Variants in KCNQ5 observed in about 807,000 individuals in gnomAD.
The protein encoded by KCNQ5 is potassium voltage-gated channel subfamily KQT member 5.
In KCNQ5, 30 loss-of-function variants were observed where a neutral mutation model predicts 98.2. The ratio of observed to expected loss-of-function variants is 0.31; its 90% CI spans 0.23 to 0.41. KCNQ5 has a LOEUF of 0.41. Among genes scored for constraint, KCNQ5 ranks in the 10% least tolerant of loss-of-function variants. The probability of loss-of-function intolerance (pLI) is 1.00; values close to 1 mark genes in which losing one functional copy is unlikely to be tolerated. For missense variants in KCNQ5, 835 were observed against 1,182.5 expected, an observed-to-expected ratio of 0.71 and a Z score of 4.31; for synonymous variants, 458 against 449.4, an observed-to-expected ratio of 1.02 and a Z score of -0.24.
intron 7 of KCNQ5, among the ~76,000 whole-genome samples, chr6:73,115,355 A>G (rs1201421429): frequency 6.6e-6 from 1 of 152,216 alleles, no homozygotes; most frequent in African/African-American, 2.4e-5. Context: ...GTGCAGGGAA[A>G]CTAAGAGGAA....
At chr6:73,171,361 T>C (rs555457718) in intron 11 of KCNQ5, among the ~76,000 whole-genome samples, 21 of 152,316 alleles carry the variant, frequency 1.4e-4, no homozygotes, top group African/African-American at 5.1e-4. Flanking sequence ...TTTCTCAAAG[T>C]ATCCCAGTTT....
At chr6:72,999,678 A>G (rs1769470493) in intron 1 of KCNQ5, among the ~76,000 whole-genome samples, 1 of 152,206 alleles carries the variant, frequency 6.6e-6, no homozygotes, top group Admixed American at 6.5e-5. Context: ...AATATATGTG[A>G]CTACAAAAGG....
intron 1 of KCNQ5, among the ~76,000 whole-genome samples, chr6:72,947,808 A>G (rs1766616177): frequency 6.6e-6 from 1 of 152,174 alleles, no homozygotes. Flanking sequence ...AAGAGGACAT[A>G]TCTATTTGGA....
intron 1 of KCNQ5, among the ~76,000 whole-genome samples, chr6:72,935,110 C>CA (rs1003539574): frequency 2.5e-5 from 3 of 117,690 alleles, no homozygotes; most frequent in African/African-American, 9.9e-5. Context: ...TCGCTCTTGT[C>CA]ACCAGGCTGG....
At position 72,996,553 on chromosome 6, in the gene KCNQ5, GTC is replaced by G. The variant is rs539610879; in HGVS notation, c.399-7354_399-7353del. 8.5e-5 allele frequency among the ~76,000 whole-genome samples: 13 copies of G among 152,302 alleles called. No homozygotes were observed. In the South Asian group the frequency reaches 2.5e-3, roughly 29 times the overall value. ...GGTCCAAGTACACAGATTGCCAGTG[GTC>G]AGCTTTGCTCCAGGCCCTGTGGTGT... is the stretch of plus-strand genomic sequence containing the variant. On this transcript the variant is annotated intron_variant, in intron 1 of 13. Transcript: ENST00000370398.
intron 1 of KCNQ5, among the ~76,000 whole-genome samples, chr6:72,976,297 G>A (rs1001910896): frequency 2.0e-4 from 31 of 152,028 alleles, no homozygotes; most frequent in Non-Finnish European, 3.2e-4. Context: ...AAATGATTCC[G>A]GCCAGACAAA....
intron 1 of KCNQ5, among the ~76,000 whole-genome samples, chr6:72,806,135 G>C (rs1774943130): frequency 6.6e-6 from 1 of 152,120 alleles, no homozygotes; most frequent in Non-Finnish European, 1.5e-5. Flanking sequence ...AACAAGTCCT[G>C]TGTGCTTAGA....
chr6:73,050,312 G>GA (rs1562147995), intron 3 of KCNQ5, among the ~76,000 whole-genome samples: 1 of 66,150 alleles, frequency 1.5e-5, no homozygotes, highest in Non-Finnish European at 3.2e-5. Context: ...GGAAGGAAGG[G>GA]AGGGAAGAAG....
At chr6:73,165,195 A>G (rs1027531967) in intron 10 of KCNQ5, among the ~76,000 whole-genome samples, 3 of 152,096 alleles carry the variant, frequency 2.0e-5, no homozygotes, top group African/African-American at 7.2e-5. Flanking sequence ...AGGGTTGCCC[A>G]GGCTCATATC....
chr6:72,959,104 C>G (rs1165723862), intron 1 of KCNQ5, among the ~76,000 whole-genome samples: 1 of 152,108 alleles, frequency 6.6e-6, no homozygotes, highest in Admixed American at 6.6e-5. Context: ...GATATTTTTG[C>G]AGGAGAAAAT....
At chr6:72,921,013 T>C (rs9342987) in intron 1 of KCNQ5, among the ~76,000 whole-genome samples, 49,569 of 152,078 alleles carry the variant, frequency 0.33, 8,254 homozygotes, top group African/African-American at 0.37. Flanking sequence ...GATATTAACC[T>C]TAGTAAACTC....
chr6:73,121,592 C>T (rs1775751386), intron 8 of KCNQ5, among the ~76,000 whole-genome samples: 1 of 152,190 alleles, frequency 6.6e-6, no homozygotes, highest in Non-Finnish European at 1.5e-5. Context: ...CATAGCCCAA[C>T]AAAACCTTAA....
intron 1 of KCNQ5, among the ~76,000 whole-genome samples, chr6:72,658,784 T>A (rs1179747677): frequency 6.6e-6 from 1 of 151,690 alleles, no homozygotes; most frequent in Non-Finnish European, 1.5e-5. Flanking sequence ...TTCACCATGT[T>A]AACCAGGCTG....
chr6:73,119,717 T>A (rs1280991913), intron 7 of KCNQ5, among the ~76,000 whole-genome samples: 1 of 152,192 alleles, frequency 6.6e-6, no homozygotes, highest in Non-Finnish European at 1.5e-5. Flanking sequence ...GCATAATGGA[T>A]TTTCATTAGT....
At chr6:73,016,407 C>T (rs1228696219) in intron 2 of KCNQ5, among the ~76,000 whole-genome samples, 2 of 152,028 alleles carry the variant, frequency 1.3e-5, no homozygotes, top group South Asian at 2.1e-4. Context: ...CTGTAAATTT[C>T]CTGAGAAGAG....
At chr6:72,797,347 A>G (rs1774392699) in intron 1 of KCNQ5, among the ~76,000 whole-genome samples, 1 of 151,922 alleles carries the variant, frequency 6.6e-6, no homozygotes, top group Non-Finnish European at 1.5e-5. Flanking sequence ...TACAAAACAT[A>G]TGAAAAAATT....
At chr6:73,053,848 T>C (rs930176360) in intron 3 of KCNQ5, among the ~76,000 whole-genome samples, 4 of 151,752 alleles carry the variant, frequency 2.6e-5, no homozygotes, top group African/African-American at 9.7e-5. Context: ...AATCAAAATC[T>C]GCACTAAACT....
intron 1 of KCNQ5, among the ~76,000 whole-genome samples, chr6:72,654,961 A>G (rs1766070580): frequency 1.3e-5 from 2 of 152,166 alleles, no homozygotes; most frequent in African/African-American, 4.8e-5. Context: ...AGTAAACCAG[A>G]CATATTTCCA....
chr6:72,650,900 G>A (rs1030636603), intron 1 of KCNQ5, among the ~76,000 whole-genome samples: 1 of 152,082 alleles, frequency 6.6e-6, no homozygotes, highest in Non-Finnish European at 1.5e-5. Context: ...AATCCATGGA[G>A]GAGAGGATGG....
Sources: gnomAD v4.1 joint callset for allele counts (sites outside exome capture counted in the v4.1 genomes callset) on GRCh38, gnomAD v4.1.1 for gene constraint, MANE v1.5 for transcripts, NCBI Gene and HGNC (gene_info 2026-07-23, HGNC 2026-07-21) for gene names.